Variants in ATR observed in about 807,000 individuals in gnomAD.
The protein encoded by ATR is serine/threonine-protein kinase ATR.
Under a neutral mutation model 305.3 loss-of-function variants are expected in ATR, and 142 were observed. The ratio of observed to expected loss-of-function variants is 0.47; its 90% CI spans 0.41 to 0.53. ATR has a LOEUF of 0.53. Among genes scored for constraint, ATR ranks in the 20% least tolerant of loss-of-function variants. The probability of loss-of-function intolerance (pLI) is 0.00; values close to 1 mark genes in which losing one functional copy is unlikely to be tolerated. For synonymous variants in ATR, 1,050 were observed against 1,068.1 expected (o/e 0.98, Z 0.33); for missense variants, 2,135 against 3,133.1 (o/e 0.68, Z 7.60).
rs761676898 is a variant in ATR at position 142,561,410 on chromosome 3, G to A, written c.1182C>T (p.Gly394=). Residue 394 remains glycine (G), a synonymous_variant, in exon 5 of 47, where the codon GGC becomes GGT. Transcript: ENST00000350721. The part of the protein sequence containing the change: ...GIEVDAEYLL[G]PLYAALKMES... The stretch of plus-strand genomic sequence containing the variant: ...CCATTTTCAAAGCTGCATAAAGTGG[G>A]CCCAACAAGTACTGAGAAAATAAAA... 42 of 1,613,654 alleles carry A rather than the reference G, an allele frequency of 2.6e-5. No homozygotes were observed. Among genetic ancestry groups the A allele is most frequent in the Non-Finnish European group, 3.6e-5 (42 of 1,179,858 alleles).
At chr3:142,539,530 AC>A (rs1287521898) in intron 18 of ATR, among the ~76,000 whole-genome samples, 2 of 152,220 alleles carry the variant, frequency 1.3e-5, no homozygotes, top group Admixed American at 1.3e-4. Flanking sequence ...TATTAAAAAA[AC>A]TTCACTGGAG....
chr3:142,489,470 C>A (rs2031151882), intron 35 of ATR, among the ~76,000 whole-genome samples: 1 of 152,208 alleles, frequency 6.6e-6, no homozygotes, highest in African/African-American at 2.4e-5. Context: ...CCGTCACTCT[C>A]CTGCCAACTA....
chr3:142,531,763 A>G (rs1303788096), intron 21 of ATR, among the ~76,000 whole-genome samples: 5 of 152,212 alleles, frequency 3.3e-5, no homozygotes, highest in African/African-American at 1.2e-4. Context: ...TCCTTTGGGT[A>G]TATACCCAGT....
intron 46 of ATR, chr3:142,452,110 GA>G (rs772022861): frequency 2.0e-6 from 2 of 1,019,612 alleles, no homozygotes; most frequent in Non-Finnish European, 2.4e-6. Context: ...AAGAACTAAA[GA>G]AGCAGCTAAA....
intron 36 of ATR, among the ~76,000 whole-genome samples, chr3:142,483,175 G>C (rs1307601500): frequency 1.3e-5 from 2 of 150,482 alleles, no homozygotes. Context: ...GTGGCTTACA[G>C]ATATTGCTTT....
intron 1 of ATR, among the ~76,000 whole-genome samples, chr3:142,574,831 A>G (rs762437630): frequency 6.6e-6 from 1 of 152,206 alleles, no homozygotes; most frequent in Non-Finnish European, 1.5e-5. Context: ...CCTAAGGGAC[A>G]AGGCAGTGAA....
In ATR at chr3:142,470,650, A is replaced by T. The variant is rs111460867; in HGVS notation, c.6222-467T>A. On this transcript the variant is annotated intron_variant, in intron 36 of 46. Coordinates refer to ENST00000350721, the MANE Select transcript of ATR (RefSeq NM_001184.4). Reference sequence around the variant, plus strand: ...TCTGGCTTTATCATGCTCTCCCCTTATTAAAAAACAGGAATCAATACCTAC... The same window carrying T: ...TCTGGCTTTATCATGCTCTCCCCTTTTTAAAAAACAGGAATCAATACCTAC... Among the ~76,000 whole-genome samples, 292 of 152,240 alleles carry T rather than the reference A, an allele frequency of 1.9e-3. 1 individual carries two copies. The highest frequency in any genetic ancestry group is 6.7e-3 in the African/African-American group (279 of 41,544).
chr3:142,545,483 C>T (rs2034235992), intron 16 of ATR, among the ~76,000 whole-genome samples: 1 of 151,962 alleles, frequency 6.6e-6, no homozygotes, highest in African/African-American at 2.4e-5. Context: ...AGAGTTGTAC[C>T]ATGTGAGAGT....
chr3:142,487,749 T>G (rs561900759), intron 35 of ATR, among the ~76,000 whole-genome samples: 3 of 152,348 alleles, frequency 2.0e-5, no homozygotes, highest in African/African-American at 7.2e-5. Context: ...AATGGTATCT[T>G]CTGATAAACA....
At chr3:142,468,164 A>T in intron 38 of ATR, 96 bp from the exon 39 acceptor site, 1 of 1,418,822 alleles carries the variant, frequency 7.0e-7, no homozygotes, top group Non-Finnish European at 9.7e-7. Flanking sequence ...AAAAGTATTC[A>T]TGATGAGAGT....
At chr3:142,572,321 G>A (rs1270009375) in intron 1 of ATR, among the ~76,000 whole-genome samples, 1 of 143,510 alleles carries the variant, frequency 7.0e-6, no homozygotes, top group South Asian at 2.2e-4. Flanking sequence ...CATCCGCCTC[G>A]GTCTCCCAAA....
At chr3:142,550,416 G>A in intron 13 of ATR, 114 bp from the exon 14 acceptor site, 2 of 1,137,194 alleles carry the variant, frequency 1.8e-6, no homozygotes, top group Non-Finnish European at 2.6e-6. Flanking sequence ...TATCTGAATT[G>A]GTCCATTCAA....
Position 142,556,139 on chromosome 3 carries a change from T to C in ATR, c.2079A>G (p.Ile693Met). 4 of 1,612,336 alleles carry C rather than the reference T, an allele frequency of 2.5e-6. No individual in the cohort carries two copies. Among genetic ancestry groups the C allele is most frequent in the Non-Finnish European group, 3.4e-6 (4 of 1,179,512 alleles). ...TGTCAGAATCATCTTTGACTTTATCTCTGGGGAAAAAAAAGAAAAAGTACT... is the reference window on the plus strand; with the variant it reads ...TGTCAGAATCATCTTTGACTTTATCCCTGGGGAAAAAAAAGAAAAAGTACT... The part of the protein sequence containing the change: ...NSCNRVPKIL[I>M]DKVKDDSDIV... Residue 693 changes from isoleucine (I) to methionine (M), a missense_variant and splice_region_variant, in exon 10 of 47, where the codon ATA becomes ATG. Ile to Met is a conservative substitution (Grantham distance 10). Coordinates refer to ENST00000350721, the MANE Select transcript of ATR (RefSeq NM_001184.4).
intron 1 of ATR, among the ~76,000 whole-genome samples, chr3:142,574,682 A>C (rs758567711): frequency 7.3e-4 from 111 of 152,176 alleles, no homozygotes; most frequent in Non-Finnish European, 1.3e-3. Context: ...CCCTAAAATA[A>C]TTTGCAGATT....
intron 18 of ATR, among the ~76,000 whole-genome samples, chr3:142,539,220 A>G (rs569378130): frequency 6.6e-6 from 1 of 152,276 alleles, no homozygotes; most frequent in Non-Finnish European, 1.5e-5. Flanking sequence ...CAGTAGGCCC[A>G]AAGAGTGCCT....
At position 142,503,430 on chromosome 3, in the gene ATR, T is replaced by TACTAC; in HGVS notation, c.5215_5219dup (p.Lys1741Ter). The TACTAC allele has an allele frequency of 6.2e-7, 1 of 1,602,980 alleles. No homozygotes were observed. The highest frequency in any genetic ancestry group is 8.5e-7 in the Non-Finnish European group (1 of 1,170,408). On this transcript the variant is annotated stop_gained and frameshift_variant, in exon 30 of 47. Coordinates refer to ENST00000350721, the MANE Select transcript of ATR (RefSeq NM_001184.4). LOFTEE classifies it high-confidence loss of function. ...GCTGACCAAGACCTAACATGGACTTTACTACACCATGATAATGAATGATCT... is the reference window on the plus strand; with the variant it reads ...GCTGACCAAGACCTAACATGGACTTTACTACACTACACCATGATAATGAATGATCT...
intron 35 of ATR, among the ~76,000 whole-genome samples, chr3:142,491,155 G>A (rs185054750): frequency 3.5e-4 from 53 of 151,946 alleles, no homozygotes; most frequent in Non-Finnish European, 5.2e-4. Flanking sequence ...CCCAACCTCA[G>A]TCTCTAGTAC....
intron 1 of ATR, among the ~76,000 whole-genome samples, chr3:142,570,132 T>C (rs964277751): frequency 5.1e-4 from 77 of 152,338 alleles, no homozygotes; most frequent in African/African-American, 1.8e-3. Context: ...TTATATTTGT[T>C]GTTAAGCTGT....
intron 35 of ATR, among the ~76,000 whole-genome samples, chr3:142,492,779 A>G (rs911798622): frequency 6.6e-6 from 1 of 152,196 alleles, no homozygotes; most frequent in African/African-American, 2.4e-5. Context: ...ATTGAGAGGT[A>G]TATCTCTTAC....
Sources: allele counts gnomAD v4.1 joint callset (sites outside exome capture counted in the v4.1 genomes callset), GRCh38; gene constraint gnomAD v4.1.1; transcripts MANE v1.5; gene names NCBI Gene and HGNC (gene_info 2026-07-23, HGNC 2026-07-21).